The following KIAA1217 variants were observed in gnomAD, a reference collection of about 807,000 sequenced individuals.
The protein encoded by KIAA1217 is sickle tail protein homolog.
In KIAA1217, 88 loss-of-function variants were observed where a neutral mutation model predicts 163.9. That is an observed-to-expected ratio of 0.54 (90% CI 0.45 to 0.64). The LOEUF (loss-of-function observed/expected upper bound fraction) is 0.64. Among genes scored for constraint, KIAA1217 ranks in the 30% least tolerant of loss-of-function variants. The pLI is 0.00. For synonymous variants in KIAA1217, 903 were observed against 923.1 expected (o/e 0.98, Z 0.39); for missense variants, 2,372 against 2,475.0 (o/e 0.96, Z 0.88).
chr10:23,958,888 T>C (rs1844689289), intron 1 of KIAA1217, among the ~76,000 whole-genome samples: 1 of 151,048 alleles, frequency 6.6e-6, no homozygotes, highest in African/African-American at 2.4e-5. Context: ...AGCTGTTTCA[T>C]GCACAGGTTG....
rs185933463 is a variant in KIAA1217, at chr10:23,739,937, G to A, written c.-321+44703G>A. On this transcript the variant is annotated intron_variant, in intron 1 of 18. Transcript: ENST00000376462. ...GCCAGGTGAAAGAGAGAAGAGTTAC[G>A]GATAAGTCCAAGGATATTTGCCTGG... Among the ~76,000 whole-genome samples the A allele has an allele frequency of 1.8e-3, 281 of 152,234 alleles. 1 individual carries two copies. Among genetic ancestry groups the A allele is most frequent in the Admixed American group, 4.5e-3 (69 of 15,290 alleles).
intron 1 of KIAA1217, among the ~76,000 whole-genome samples, chr10:23,723,014 C>G (rs562943983): frequency 1.3e-5 from 2 of 152,210 alleles, no homozygotes; most frequent in Non-Finnish European, 2.9e-5. Context: ...TGTCATCAGA[C>G]AGCCCTTCAA....
chr10:23,815,008 G>A (rs1229069819), intron 1 of KIAA1217, among the ~76,000 whole-genome samples: 1 of 152,122 alleles, frequency 6.6e-6, no homozygotes, highest in Non-Finnish European at 1.5e-5. Flanking sequence ...GGGAAGACAT[G>A]CAAGTGAAAA....
chr10:24,409,997 CTTTTTT>C (rs71397947), intron 3 of KIAA1217, among the ~76,000 whole-genome samples: 215 of 123,864 alleles, frequency 1.7e-3, no homozygotes, highest in African/African-American at 6.1e-3. Flanking sequence ...TTTCTTTTTT[CTTTTTT>C]TTTTTTTTTT....
intron 1 of KIAA1217, among the ~76,000 whole-genome samples, chr10:23,704,318 C>G (rs4638203): frequency 0.76 from 112,737 of 148,072 alleles, 43,860 homozygotes; most frequent in African/African-American, 0.94. Flanking sequence ...TTATAGTGTA[C>G]AATTCATCCA....
At chr10:23,989,640 C>A (rs534587681) in intron 1 of KIAA1217, among the ~76,000 whole-genome samples, 1 of 152,234 alleles carries the variant, frequency 6.6e-6, no homozygotes, top group Non-Finnish European at 1.5e-5. Context: ...TTCCAAGGTG[C>A]CATATTTTGG....
intron 1 of KIAA1217, among the ~76,000 whole-genome samples, chr10:23,829,065 T>G (rs1838046889): frequency 6.6e-6 from 1 of 152,188 alleles, no homozygotes; most frequent in Admixed American, 6.6e-5. Flanking sequence ...CACTTTTGCT[T>G]AAGGATGCCA....
intron 1 of KIAA1217, among the ~76,000 whole-genome samples, chr10:23,874,485 G>A (rs1291462635): frequency 6.6e-6 from 1 of 151,824 alleles, no homozygotes; most frequent in East Asian, 1.9e-4. Flanking sequence ...GCAAATTATA[G>A]CCCCTAAACT....
At chr10:24,041,163 T>G (rs1036434398) in intron 2 of KIAA1217, among the ~76,000 whole-genome samples, 10 of 152,224 alleles carry the variant, frequency 6.6e-5, no homozygotes, top group African/African-American at 2.2e-4. Context: ...CAGAACCTTT[T>G]TATAGTTCAT....
intron 1 of KIAA1217, among the ~76,000 whole-genome samples, chr10:23,743,617 A>G (rs1839240795): frequency 3.3e-5 from 5 of 152,202 alleles, no homozygotes; most frequent in Admixed American, 2.6e-4. Flanking sequence ...ACACGCTGCT[A>G]TGTTGAGAGA....
chr10:24,492,037 G>A (rs2066221241), intron 6 of KIAA1217, among the ~76,000 whole-genome samples: 1 of 151,998 alleles, frequency 6.6e-6, no homozygotes, highest in Non-Finnish European at 1.5e-5. Context: ...TGCTCTTACT[G>A]TCATTCATTT....
At chr10:24,141,062 C>A (rs2131832770) in intron 2 of KIAA1217, among the ~76,000 whole-genome samples, 1 of 152,238 alleles carries the variant, frequency 6.6e-6, no homozygotes, top group African/African-American at 2.4e-5. Flanking sequence ...GACTACAATT[C>A]AAACTACCAT....
chr10:24,214,370 A>C (rs4268413), intron 1 of KIAA1217, among the ~76,000 whole-genome samples: 88,107 of 152,008 alleles, frequency 0.58, 25,814 homozygotes, highest in African/African-American at 0.67. Flanking sequence ...TGGGTGGCCG[A>C]TGAGGCTCCT....
intron 1 of KIAA1217, among the ~76,000 whole-genome samples, chr10:23,873,432 G>C (rs1454890194): frequency 1.3e-5 from 2 of 151,984 alleles, no homozygotes; most frequent in Non-Finnish European, 2.9e-5. Context: ...GAAAATGCCA[G>C]ATGAAGCATT....
chr10:24,461,831 G>C (rs1354654200), intron 5 of KIAA1217, among the ~76,000 whole-genome samples: 1 of 152,182 alleles, frequency 6.6e-6, no homozygotes, highest in African/African-American at 2.4e-5. Flanking sequence ...AATTTGGTCA[G>C]TTTCTCCAGT....
At chr10:24,005,072 C>A (rs1846932025) in intron 1 of KIAA1217, among the ~76,000 whole-genome samples, 1 of 152,148 alleles carries the variant, frequency 6.6e-6, no homozygotes, top group Non-Finnish European at 1.5e-5. Context: ...AAAGAGTAGC[C>A]ATGGAGAGAA....
At chr10:23,764,244 C>G (rs1834403781) in intron 1 of KIAA1217, among the ~76,000 whole-genome samples, 2 of 152,056 alleles carry the variant, frequency 1.3e-5, no homozygotes, top group African/African-American at 4.8e-5. Context: ...AAAATAAAAA[C>G]CACAATGAGT....
At position 23,872,265 on chromosome 10, in the gene KIAA1217, G is replaced by A. The variant is rs369689761; in HGVS notation, c.-320-134960G>A. 2.0e-3 allele frequency among the ~76,000 whole-genome samples: 298 copies of A among 151,838 alleles called. 1 individual carries two copies. The highest frequency in any genetic ancestry group is 6.7e-3 in the African/African-American group (279 of 41,450). On this transcript the variant is annotated intron_variant, in intron 1 of 18. Transcript: ENST00000376462. Reference sequence around the variant, plus strand: ...AATAGATGAAAGGAAGAGAGCTCTTGTAGAATGAATCTGGGTAGGACCAAT... The same window carrying A: ...AATAGATGAAAGGAAGAGAGCTCTTATAGAATGAATCTGGGTAGGACCAAT...
At chr10:23,824,644 AAAAAAATAAAAAAAAT>A (rs1425027350) in intron 1 of KIAA1217, among the ~76,000 whole-genome samples, 97 of 94,330 alleles carry the variant, frequency 1.0e-3, no homozygotes, top group African/African-American at 4.3e-3. Context: ...AAAAAAAAAA[AAAAAAATAAAAAAAAT>A]ATATATATAT....
Sources: gnomAD v4.1 joint callset for allele counts (sites outside exome capture counted in the v4.1 genomes callset) on GRCh38, gnomAD v4.1.1 for gene constraint, MANE v1.5 for transcripts, NCBI Gene and HGNC (gene_info 2026-07-23, HGNC 2026-07-21) for gene names.